Variants in NF1 observed in about 807,000 individuals in gnomAD.
The protein encoded by NF1 is neurofibromin 1, also known as neurofibromin.
NF1 carries 122 observed loss-of-function variants against 325.7 expected under a neutral mutation model. That is an observed-to-expected ratio of 0.37 (90% CI 0.32 to 0.44). The LOEUF is 0.44. NF1 is among the 20% of genes least tolerant of loss of function. The pLI is 1.00. For synonymous variants in NF1, 1,091 were observed against 1,186.0 expected (o/e 0.92, Z 1.65); for missense variants, 2,140 against 3,415.4 (o/e 0.63, Z 9.31).
intron 53 of NF1, 25 bp from the exon 54 acceptor site, chr17:31,357,244 T>A (rs776313317): frequency 6.2e-7 from 1 of 1,606,274 alleles, no homozygotes; most frequent in Non-Finnish European, 8.5e-7. Context: ...AAATGTTGTG[T>A]GTTTACTTTT....
At chr17:31,325,271 T>A (rs2069312713) in intron 36 of NF1, among the ~76,000 whole-genome samples, 1 of 152,184 alleles carries the variant, frequency 6.6e-6, no homozygotes, top group Non-Finnish European at 1.5e-5. Flanking sequence ...TATCCCAAAA[T>A]ATGAGCTAGC....
chr17:31,230,437 A>C, intron 23 of NF1, 55 bp downstream of exon 23: 1 of 1,602,906 alleles, frequency 6.2e-7, no homozygotes, highest in Non-Finnish European at 8.5e-7. Flanking sequence ...TGTCCAATGA[A>C]GTACAGAAAA....
In NF1 at chr17:31,279,471, G is replaced by A. The variant is rs186561588; in HGVS notation, c.4835+14132G>A. 3.0e-3 allele frequency among the ~76,000 whole-genome samples: 455 copies of A among 152,006 alleles called. 4 individuals carry two copies. The highest frequency in any genetic ancestry group is 3.5e-3 in the Non-Finnish European group (240 of 67,984). On this transcript the variant is annotated intron_variant, in intron 36 of 57. Coordinates refer to ENST00000358273, the MANE Select transcript of NF1 (RefSeq NM_001042492.3). ...TAGCACTGAAAAGTGGCTTTTTAGC[G>A]TAGACAGTTGTTTTTCAAGAAACTA...
chr17:31,135,318 A>T (rs977001210), intron 1 of NF1, among the ~76,000 whole-genome samples: 3 of 152,098 alleles, frequency 2.0e-5, no homozygotes, highest in African/African-American at 7.2e-5. Flanking sequence ...CTTGATCTCT[A>T]GTCCTTTTTA....
intron 36 of NF1, among the ~76,000 whole-genome samples, chr17:31,289,984 G>C (rs2068315055): frequency 6.6e-6 from 1 of 151,710 alleles, no homozygotes; most frequent in Admixed American, 6.6e-5. Flanking sequence ...CAATTACGTG[G>C]TTGGCCATAT....
chr17:31,210,413 T>G (rs1467238452), intron 12 of NF1, among the ~76,000 whole-genome samples: 1 of 152,068 alleles, frequency 6.6e-6, no homozygotes. Flanking sequence ...TGAAACCTTG[T>G]CTCTACTAAA....
intron 1 of NF1, among the ~76,000 whole-genome samples, chr17:31,101,216 A>G (rs1247258794): frequency 1.3e-5 from 2 of 152,124 alleles, no homozygotes; most frequent in African/African-American, 4.8e-5. Context: ...GTCATTGCTT[A>G]GTTGTAATGC....
chr17:31,318,690 C>T lies in NF1; in HGVS notation c.4836-7130C>T, dbSNP rs368589304. 13 of 1,613,972 alleles carry T rather than the reference C, an allele frequency of 8.1e-6. No individual in the cohort carries two copies. In the African/African-American group the frequency reaches 1.5e-4, roughly 18 times the overall value. On this transcript the variant is annotated intron_variant, in intron 36 of 57. Coordinates refer to ENST00000358273, the MANE Select transcript of NF1 (RefSeq NM_001042492.3). ...GACTTTTGCTTGTGTTTTCAATGCT[C>T]TGTACTGTTGAAGGACTGTTGCTGA...
intron 7 of NF1, 120 bp downstream of exon 7, chr17:31,181,905 G>A (rs531176847): frequency 1.4e-6 from 1 of 708,716 alleles, no homozygotes; most frequent in African/African-American, 1.9e-5. Context: ...ATCTTCTATT[G>A]TCAACTGGTG....
chr17:31,201,399 C>G lies in NF1; in HGVS notation c.1186-12C>G, dbSNP rs1473811436. On this transcript the variant is annotated splice_polypyrimidine_tract_variant and intron_variant, in intron 10 of 57. Transcript: ENST00000358273. Reference sequence around the variant, plus strand: ...ATAGAAATAATCTGCTTTTTTTTTTCTTTTTCTATAGATCTGCCTGGCTCA... The same window carrying G: ...ATAGAAATAATCTGCTTTTTTTTTTGTTTTTCTATAGATCTGCCTGGCTCA... 2 of 1,540,458 alleles carry G rather than the reference C, an allele frequency of 1.3e-6. No homozygotes were observed. The highest frequency in any genetic ancestry group is 3.0e-5 in the African/African-American group (2 of 66,970).
chr17:31,164,363 C>G (rs1417652857), intron 4 of NF1, among the ~76,000 whole-genome samples: 1 of 152,184 alleles, frequency 6.6e-6, no homozygotes, highest in African/African-American at 2.4e-5. Flanking sequence ...ATAGGTAGTG[C>G]TCTATGGGAT....
intron 36 of NF1, among the ~76,000 whole-genome samples, chr17:31,301,105 T>C (rs2068564295): frequency 6.6e-6 from 1 of 152,052 alleles, no homozygotes; most frequent in Admixed American, 6.6e-5. Flanking sequence ...CTTTTGGCTT[T>C]ATTATGGTGA....
Position 31,375,613 on chromosome 17 carries a change from A to T in NF1, c.*1458A>T, listed in dbSNP as rs17884878. Reference sequence around the variant, plus strand: ...TCCCAGGTTCCCTTTATATGTTAAGATATAATGGCTTTGAGGGGGGAAAAA... The same window carrying T: ...TCCCAGGTTCCCTTTATATGTTAAGTTATAATGGCTTTGAGGGGGGAAAAA... On this transcript the variant is annotated 3_prime_UTR_variant, in exon 58 of 58. Transcript: ENST00000358273. 1 of 232,700 alleles carries T rather than the reference A, an allele frequency of 4.3e-6. No individual in the cohort carries two copies. The highest frequency in any genetic ancestry group is 2.2e-5 in the African/African-American group (1 of 45,308). 14.4% of individuals were successfully genotyped at this position (232,700 alleles called of 1,614,324 possible). A position where few individuals can be genotyped will look rare whatever the true frequency, so the allele number is the denominator to read the frequency against.
chr17:31,140,252 C>T (rs1481541023), intron 1 of NF1, among the ~76,000 whole-genome samples: 2 of 151,980 alleles, frequency 1.3e-5, no homozygotes, highest in African/African-American at 2.4e-5. Context: ...ATGGCATCTC[C>T]GAAAGTATGA....
rs1555534671 is a variant in NF1, at chr17:31,336,688, T to C, written c.6201T>C (p.Pro2067=). 1.2e-6 allele frequency: 2 copies of C among 1,614,034 alleles called. No homozygotes were observed. The highest frequency in any genetic ancestry group is 1.7e-6 in the Non-Finnish European group (2 of 1,180,000). The part of the protein sequence containing the change: ...IIDKTCLSPT[P]TLEQHLMWDD... ...ACAAGACATGCTTATCTCCAACTCC[T>C]ACTTTAGAACAACATCTTATGTGGG... is the stretch of plus-strand genomic sequence containing the variant. Residue 2067 remains proline (P), a synonymous_variant, in exon 42 of 58, where the codon CCT becomes CCC. Transcript: ENST00000358273. This position sits in a 1 kb window ranked among gnomAD's most constrained non-coding sequence, Gnocchi z 5.5.
intron 1 of NF1, among the ~76,000 whole-genome samples, chr17:31,144,660 G>A (rs1916467181): frequency 6.6e-6 from 1 of 152,118 alleles, no homozygotes; most frequent in South Asian, 2.1e-4. Flanking sequence ...TCTGCATGTG[G>A]CCTCGGCTTC....
At chr17:31,155,485 G>T (rs546539718) in intron 1 of NF1, among the ~76,000 whole-genome samples, 2 of 152,234 alleles carry the variant, frequency 1.3e-5, no homozygotes, top group African/African-American at 4.8e-5. Flanking sequence ...ATCAGCAGTT[G>T]TTTGCCATTA....
rs17879614 is a variant in NF1, at chr17:31,106,468, G to A, written c.60+11099G>A. 4.0e-3 allele frequency among the ~76,000 whole-genome samples: 607 copies of A among 152,200 alleles called. 3 individuals are homozygous for A. The highest frequency in any genetic ancestry group is 0.017 in the Middle Eastern group (5 of 294). On this transcript the variant is annotated intron_variant, in intron 1 of 57. Coordinates refer to ENST00000358273, the MANE Select transcript of NF1 (RefSeq NM_001042492.3). ...CAATCATATGATTATATAATTAACT[G>A]AGTTAAACTAGAGTATGGATGTCTT...
intron 1 of NF1, among the ~76,000 whole-genome samples, chr17:31,104,647 G>T (rs1912683944): frequency 1.3e-5 from 2 of 152,202 alleles, no homozygotes; most frequent in African/African-American, 4.8e-5. Flanking sequence ...GGACAGAAAA[G>T]TGGTTTTACG....
Sources: allele counts gnomAD v4.1 joint callset (sites outside exome capture counted in the v4.1 genomes callset), GRCh38; gene constraint gnomAD v4.1.1; non-coding constraint Gnocchi (gnomAD v3.1); transcripts MANE v1.5; gene names NCBI Gene and HGNC (gene_info 2026-07-23, HGNC 2026-07-21).